ATCAY: variants seen among roughly 807,000 people sequenced by gnomAD.
The protein encoded by ATCAY is ATCAY kinesin light chain interacting caytaxin.
Under a neutral mutation model 47.7 loss-of-function variants are expected in ATCAY, and 22 were observed. The observed-to-expected ratio is 0.46, with a 90% CI of 0.33 to 0.66. ATCAY has a LOEUF of 0.66. ATCAY is among the 30% of genes least tolerant of loss of function. The pLI is 0.02. For synonymous variants in ATCAY, 216 were observed against 207.6 expected (o/e 1.04, Z -0.35); for missense variants, 452 against 515.0 (o/e 0.88, Z 1.18).
intron 9 of ATCAY, among the ~76,000 whole-genome samples, chr19:3,914,259 G>A (rs1289249952): frequency 8.3e-6 from 1 of 121,108 alleles, no homozygotes; most frequent in Non-Finnish European, 1.7e-5. Context: ...AAGGGCTAAC[G>A]GACTCACAAT....
chr19:3,896,801 G>A (rs2038773999), intron 2 of ATCAY, among the ~76,000 whole-genome samples: 1 of 151,200 alleles, frequency 6.6e-6, no homozygotes, highest in African/African-American at 2.5e-5. Flanking sequence ...TTTTGAGACG[G>A]AGTCTCGCTC....
chr19:3,886,715 T>C lies in ATCAY; in HGVS notation c.77+871T>C, dbSNP rs139790130. ...GAGACACTTACCTCCCCTAACATGCTGAACTTTTTTTTTTTTTTTTTTGAG... is the reference window on the plus strand; with the variant it reads ...GAGACACTTACCTCCCCTAACATGCCGAACTTTTTTTTTTTTTTTTTTGAG... On this transcript the variant is annotated intron_variant, in intron 2 of 12. Coordinates refer to ENST00000450849, the MANE Select transcript of ATCAY (RefSeq NM_033064.5). 9.2e-3 allele frequency among the ~76,000 whole-genome samples: 1,376 copies of C among 148,988 alleles called. 24 individuals are homozygous for C. Among genetic ancestry groups the C allele is most frequent in the African/African-American group, 0.033 (1,305 of 39,992 alleles).
intron 2 of ATCAY, among the ~76,000 whole-genome samples, chr19:3,894,659 G>A (rs2038750968): frequency 7.0e-6 from 1 of 143,526 alleles, no homozygotes; most frequent in Non-Finnish European, 1.5e-5. Context: ...GTAAAAACCT[G>A]AAAAATTAAC....
intron 9 of ATCAY, among the ~76,000 whole-genome samples, chr19:3,915,454 G>A (rs911793253): frequency 1.3e-5 from 2 of 151,970 alleles, no homozygotes; most frequent in African/African-American, 4.8e-5. Context: ...CAAAGTGCTG[G>A]GATTACAGGC....
chr19:3,905,365 G>T, intron 3 of ATCAY, 69 bp from the exon 4 acceptor site: 1 of 1,440,278 alleles, frequency 6.9e-7, no homozygotes. Context: ...CTTCCACCAG[G>T]TAGGAAAATG....
chr19:3,882,141 C>T (rs987757057), intron 1 of ATCAY, among the ~76,000 whole-genome samples: 1 of 152,094 alleles, frequency 6.6e-6, no homozygotes, highest in Non-Finnish European at 1.5e-5. Flanking sequence ...GTAACCTACT[C>T]CACAGAGAGG....
At chr19:3,884,653 G>A (rs549161526) in intron 1 of ATCAY, among the ~76,000 whole-genome samples, 14 of 152,186 alleles carry the variant, frequency 9.2e-5, no homozygotes, top group African/African-American at 3.1e-4. Flanking sequence ...GGTAGATTTC[G>A]AAGTTTCCAA....
chr19:3,888,707 C>T (rs576623771), intron 2 of ATCAY, among the ~76,000 whole-genome samples: 63 of 152,010 alleles, frequency 4.1e-4, no homozygotes, highest in Non-Finnish European at 6.6e-4. Context: ...GCCAAAAGAA[C>T]GAACTTAAAA....
intron 8 of ATCAY, 46 bp from the exon 9 acceptor site, chr19:3,913,712 C>T: frequency 6.6e-7 from 1 of 1,506,096 alleles, no homozygotes; most frequent in South Asian, 1.2e-5. Context: ...TAACCCCCAC[C>T]CCATGGGTTG....
intron 6 of ATCAY, among the ~76,000 whole-genome samples, chr19:3,908,692 TCCCCC>T (rs796905816): frequency 2.8e-5 from 1 of 36,146 alleles, no homozygotes; most frequent in Non-Finnish European, 5.7e-5. Context: ...CCCTTCTTCC[TCCCCC>T]CTCCTCCTCC....
intron 12 of ATCAY, among the ~76,000 whole-genome samples, chr19:3,923,540 AGGTGGATGGAT>A (rs1311778471): frequency 1.3e-5 from 2 of 151,286 alleles, no homozygotes; most frequent in Non-Finnish European, 3.0e-5. Context: ...GATGGATGAT[AGGTGGATGGAT>A]GGATGGATAA....
intron 11 of ATCAY, 28 bp downstream of exon 11, chr19:3,918,905 G>A: frequency 6.2e-7 from 1 of 1,613,530 alleles, no homozygotes; most frequent in Non-Finnish European, 8.5e-7. Flanking sequence ...CATGGGCAGA[G>A]AGCTGACAGT....
intron 2 of ATCAY, chr19:3,893,474 G>A (rs546885322): frequency 2.0e-4 from 31 of 152,432 alleles, no homozygotes; most frequent in African/African-American, 6.7e-4. Flanking sequence ...CACCATGCCC[G>A]GCTAGGATTT....
At chr19:3,883,918 G>A (rs926523706) in intron 1 of ATCAY, among the ~76,000 whole-genome samples, 11 of 152,086 alleles carry the variant, frequency 7.2e-5, no homozygotes, top group Non-Finnish European at 1.3e-4. Context: ...TCACCTGGCA[G>A]CTCTGATCCT....
chr19:3,885,549 G>A (rs1460225625), intron 1 of ATCAY, among the ~76,000 whole-genome samples, 178 bp from the exon 2 acceptor site: 4 of 144,456 alleles, frequency 2.8e-5, no homozygotes, highest in South Asian at 2.3e-4. Context: ...GCAAGACTCC[G>A]TCTCAAAAAA....
intron 2 of ATCAY, chr19:3,895,310 G>A (rs930800570): frequency 1.4e-5 from 6 of 439,604 alleles, no homozygotes; most frequent in African/African-American, 6.0e-5. Context: ...CGCTTCCTGG[G>A]TTCAAGCCAT....
At chr19:3,904,659 C>T (rs1057293646) in intron 3 of ATCAY, among the ~76,000 whole-genome samples, 1 of 150,420 alleles carries the variant, frequency 6.6e-6, no homozygotes, top group African/African-American at 2.5e-5. Context: ...CACACACACA[C>T]GTCCTATTGG....
Position 3,902,514 on chromosome 19 carries a change from A to C in ATCAY, c.105A>C (p.Glu35Asp). 1.3e-6 allele frequency: 2 copies of C among 1,580,344 alleles called. No homozygotes were observed. The highest frequency in any genetic ancestry group is 1.7e-6 in the Non-Finnish European group (2 of 1,163,126). Reference protein sequence around the residue: ...PRPLPEETGVELLGSPVEDTS... With the variant: ...PRPLPEETGVDLLGSPVEDTS... ...CACTCCCAGAAGAGACGGGGGTGGAACTGCTTGGCAGCCCGGTGGAAGACA... is the reference window on the plus strand; with the variant it reads ...CACTCCCAGAAGAGACGGGGGTGGACCTGCTTGGCAGCCCGGTGGAAGACA... The change falls in exon 3 of 13, where the codon GAA becomes GAC. Residue 35 changes from glutamate (E) to aspartate (D), a missense_variant. Glu to Asp is a conservative substitution (Grantham distance 45). Transcript: ENST00000450849.
At chr19:3,914,791 A>G (rs2038952746) in intron 9 of ATCAY, among the ~76,000 whole-genome samples, 1 of 151,070 alleles carries the variant, frequency 6.6e-6, no homozygotes, top group Non-Finnish European at 1.5e-5. Context: ...ACTGCACTCC[A>G]GCCTGGGCAA....
Sources: allele counts gnomAD v4.1 joint callset (sites outside exome capture counted in the v4.1 genomes callset), GRCh38; gene constraint gnomAD v4.1.1; transcripts MANE v1.5; gene names NCBI Gene and HGNC (gene_info 2026-07-23, HGNC 2026-07-21).